Variants in EYS observed in about 807,000 individuals in gnomAD.
EYS encodes the protein EGF-like photoreceptor maintenance factor, also known as protein eyes shut homolog.
In EYS, 250 loss-of-function variants were observed where a neutral mutation model predicts 282.1. That is an observed-to-expected ratio of 0.89 (90% CI 0.80 to 0.98). EYS has a LOEUF of 0.98. Ranked by LOEUF, EYS falls within the 50% of genes least tolerant of loss-of-function variation. The pLI, the probability that EYS is intolerant of heterozygous loss-of-function variation, is 0.00. For synonymous variants in EYS, 1,355 were observed against 1,282.9 expected (o/e 1.06, Z -1.20); for missense variants, 4,016 against 3,709.0 (o/e 1.08, Z -2.15).
At chr6:63,909,330 C>G (rs1209849784) in intron 35 of EYS, among the ~76,000 whole-genome samples, 1 of 152,188 alleles carries the variant, frequency 6.6e-6, no homozygotes, top group African/African-American at 2.4e-5. Flanking sequence ...TATCTATCAT[C>G]TATTTCACAC....
chr6:65,081,762 G>T (rs1774235912), intron 12 of EYS, among the ~76,000 whole-genome samples: 1 of 151,750 alleles, frequency 6.6e-6, no homozygotes, highest in African/African-American at 2.4e-5. Context: ...ACTAAACATG[G>T]GTCACAATTT....
intron 26 of EYS, among the ~76,000 whole-genome samples, chr6:64,506,424 T>C (rs1777207004): frequency 6.6e-6 from 1 of 152,174 alleles, no homozygotes; most frequent in Non-Finnish European, 1.5e-5. Context: ...TAATCTAACA[T>C]TAAAGGAAGA....
intron 33 of EYS, among the ~76,000 whole-genome samples, chr6:64,035,513 TG>T (rs898743831): frequency 1.3e-5 from 2 of 152,160 alleles, no homozygotes; most frequent in African/African-American, 4.8e-5. Flanking sequence ...AATACTCCGA[TG>T]TTGGTTCTTT....
At chr6:64,189,540 A>C (rs1765043657) in intron 31 of EYS, among the ~76,000 whole-genome samples, 1 of 152,210 alleles carries the variant, frequency 6.6e-6, no homozygotes. Flanking sequence ...CAGTTATTTA[A>C]TCAAACACCA....
At chr6:64,527,114 T>C (rs962206801) in intron 26 of EYS, among the ~76,000 whole-genome samples, 1 of 151,784 alleles carries the variant, frequency 6.6e-6, no homozygotes, top group Non-Finnish European at 1.5e-5. Flanking sequence ...TAGAAATATC[T>C]AGATTAAAAG....
At chr6:65,145,489 C>A (rs1764455243) in intron 12 of EYS, among the ~76,000 whole-genome samples, 2 of 150,420 alleles carry the variant, frequency 1.3e-5, no homozygotes, top group African/African-American at 2.5e-5. Flanking sequence ...TATTTTAGTC[C>A]AGGTCTGTCA....
chr6:63,918,339 C>T (rs748062310), intron 35 of EYS, among the ~76,000 whole-genome samples: 24 of 151,954 alleles, frequency 1.6e-4, no homozygotes, highest in African/African-American at 3.9e-4. Flanking sequence ...TTAACATGAA[C>T]GCATTGATTA....
chr6:64,196,583 T>G (rs535713552), intron 31 of EYS, among the ~76,000 whole-genome samples: 1 of 152,226 alleles, frequency 6.6e-6, no homozygotes, highest in East Asian at 1.9e-4. Context: ...GATGAGTTCA[T>G]GTCCTTTATA....
At chr6:65,155,425 C>T (rs1764709493) in intron 12 of EYS, among the ~76,000 whole-genome samples, 1 of 151,534 alleles carries the variant, frequency 6.6e-6, no homozygotes, top group East Asian at 2.0e-4. Context: ...CCAAATACAA[C>T]ACTGAAGCAA....
chr6:64,995,720 C>CCA (rs1554225561), intron 14 of EYS, among the ~76,000 whole-genome samples: 2 of 148,428 alleles, frequency 1.3e-5, no homozygotes, highest in South Asian at 2.2e-4. Context: ...CTGCTTCCCC[C>CCA]CCGCCCCATA....
intron 19 of EYS, among the ~76,000 whole-genome samples, chr6:64,873,929 A>G (rs746627957): frequency 7.2e-5 from 11 of 152,062 alleles, no homozygotes; most frequent in Non-Finnish European, 1.6e-4. Flanking sequence ...TTCAAATTGC[A>G]AATGTCTTCA....
At chr6:65,178,526 A>C (rs1316346269) in intron 12 of EYS, among the ~76,000 whole-genome samples, 1 of 151,978 alleles carries the variant, frequency 6.6e-6, no homozygotes, top group Non-Finnish European at 1.5e-5. Flanking sequence ...CTAAATATAT[A>C]TGCACCCAAT....
intron 31 of EYS, among the ~76,000 whole-genome samples, chr6:64,183,989 A>G (rs1582395029): frequency 6.6e-6 from 1 of 152,176 alleles, no homozygotes; most frequent in African/African-American, 2.4e-5. Context: ...AAATACTCCC[A>G]TCTTAGATCA....
At chr6:64,851,325 T>A (rs2031186) in intron 19 of EYS, among the ~76,000 whole-genome samples, 99,060 of 151,428 alleles carry the variant, frequency 0.65, 32,919 homozygotes, top group Non-Finnish European at 0.7. Flanking sequence ...TGATTTTTTT[T>A]AAAAAAATAA....
intron 5 of EYS, among the ~76,000 whole-genome samples, chr6:65,419,341 G>C (rs1767365181): frequency 6.6e-6 from 1 of 151,636 alleles, no homozygotes; most frequent in Non-Finnish European, 1.5e-5. Context: ...AAATACAAGA[G>C]AATGATTAAC....
intron 22 of EYS, among the ~76,000 whole-genome samples, chr6:64,681,666 G>A: frequency 6.6e-6 from 1 of 152,116 alleles, no homozygotes; most frequent in South Asian, 2.1e-4. Flanking sequence ...GGCTGAGGCG[G>A]GCGCATCACA....
At chr6:64,371,386 C>A (rs1772366055) in intron 29 of EYS, among the ~76,000 whole-genome samples, 1 of 149,438 alleles carries the variant, frequency 6.7e-6, no homozygotes, top group East Asian at 2.0e-4. Context: ...ATGGTTGGAA[C>A]AATTTTGGGT....
At chr6:65,678,983 T>C (rs1768726149) in intron 1 of EYS, among the ~76,000 whole-genome samples, 1 of 151,916 alleles carries the variant, frequency 6.6e-6, no homozygotes, top group South Asian at 2.1e-4. Context: ...AAGGATGTGA[T>C]AATAATAATC....
intron 2 of EYS, among the ~76,000 whole-genome samples, chr6:65,630,668 C>G (rs1043032815): frequency 1.3e-5 from 2 of 152,140 alleles, no homozygotes; most frequent in African/African-American, 4.8e-5. Flanking sequence ...AAATACCATT[C>G]TTATATGAAG....
Sources: gnomAD v4.1 joint callset for allele counts (sites outside exome capture counted in the v4.1 genomes callset) on GRCh38, gnomAD v4.1.1 for gene constraint, MANE v1.5 for transcripts, NCBI Gene and HGNC (gene_info 2026-07-23, HGNC 2026-07-21) for gene names.